The following NBPF26 variants were observed in gnomAD, a reference collection of about 807,000 sequenced individuals.
NBPF26 encodes the protein NBPF member 26, also known as NBPF family member NBPF26.
In NBPF26, 79 loss-of-function variants were observed where a neutral mutation model predicts 119.6. That is an observed-to-expected ratio of 0.66 (90% CI 0.55 to 0.80). NBPF26 has a LOEUF of 0.80. NBPF26 is among the 30% of genes least tolerant of loss of function. The pLI, the probability that NBPF26 is intolerant of heterozygous loss-of-function variation, is 0.00. For missense variants in NBPF26, 800 were observed against 1,198.2 expected (o/e 0.67, Z 4.91); for synonymous variants, 299 against 457.7 (o/e 0.65, Z 4.43).
At chr1:120,790,546 T>TC (rs1651477221) in intron 3 of NBPF26, among the ~76,000 whole-genome samples, 1 of 93,448 alleles carries the variant, frequency 1.1e-5, no homozygotes, top group Non-Finnish European at 1.9e-5. Context: ...CTTTCTTTCT[T>TC]TCTTTCTTTC....
Position 120,818,648 on chromosome 1 carries a change from C to T in NBPF26, c.2423+474C>T, listed in dbSNP as rs1446011699. ...GCTATAATTTTCCCTCTACACATTG[C>T]TTTAAATGTGTCCCAGAGATTCTGG... is the stretch of plus-strand genomic sequence containing the variant. On this transcript the variant is annotated intron_variant, in intron 15 of 29. Coordinates refer to ENST00000620612, the Ensembl canonical transcript of NBPF26. Among the ~76,000 whole-genome samples, 21 of 125,638 alleles carry T rather than the reference C, an allele frequency of 1.7e-4. 5 individuals are homozygous for T. Among genetic ancestry groups the T allele is most frequent in the Non-Finnish European group, 3.1e-4 (19 of 61,450 alleles). The allele number at this position is 125,638 out of a possible 152,430, so 82.4% of individuals were successfully genotyped here.
In NBPF26 at chr1:120,810,187, C is replaced by T. The variant is rs1219337124; in HGVS notation, c.1353-160C>T. Among the ~76,000 whole-genome samples, 2 of 119,558 alleles carry T rather than the reference C, an allele frequency of 1.7e-5. 1 individual carries two copies. Among genetic ancestry groups the T allele is most frequent in the Non-Finnish European group, 3.2e-5 (2 of 61,552 alleles). The allele number at this position is 119,558 out of a possible 152,430, so 78.4% of individuals were successfully genotyped here. On this transcript the variant is annotated intron_variant, in intron 8 of 29. Coordinates refer to ENST00000620612, the Ensembl canonical transcript of NBPF26. ...CTCCCATGGCAGCCATGCTCTGTTG[C>T]AGAGAGAAGCGGATTGCCTGTTTCC... is the stretch of plus-strand genomic sequence containing the variant.
At chr1:120,830,134 T>G (rs1326652098) in intron 19 of NBPF26, among the ~76,000 whole-genome samples, 1 of 121,272 alleles carries the variant, frequency 8.2e-6, no homozygotes, top group Non-Finnish European at 1.6e-5. Flanking sequence ...GGGCACTAAC[T>G]CAGAGTGTCC....
chr1:120,801,249 T>G (rs1278470427), intron 4 of NBPF26, among the ~76,000 whole-genome samples: 4 of 109,874 alleles, frequency 3.6e-5, no homozygotes, highest in Admixed American at 1.8e-4. Flanking sequence ...CATCTATATA[T>G]AGAGAAAGTA....
chr1:120,776,362 C>T (rs1481203144), intron 2 of NBPF26, among the ~76,000 whole-genome samples: 1 of 76,290 alleles, frequency 1.3e-5, no homozygotes, highest in African/African-American at 1.1e-4. Context: ...GACTGAACAG[C>T]GTGTACAGAG....
exon 14 of NBPF26, chr1:120,816,824 C>G: frequency 6.9e-7 from 1 of 1,447,226 alleles, no homozygotes; most frequent in South Asian, 1.2e-5. Context: ...ACACATTATT[C>G]CAGGTAGCCT....
rs1315817988 is a variant in NBPF26, at chr1:120,819,542, C to T, written c.2423+1368C>T. On this transcript the variant is annotated intron_variant, in intron 15 of 29. Coordinates refer to ENST00000620612, the Ensembl canonical transcript of NBPF26. The stretch of plus-strand genomic sequence containing the variant: ...TCGTTATGATGTTAGCTGGTTATTT[C>T]GCCCGTTAGTTGATGCAGTTTCTTC... Among the ~76,000 whole-genome samples the T allele has an allele frequency of 1.4e-4, 14 of 102,668 alleles. 2 individuals are homozygous for T. The highest frequency in any genetic ancestry group is 5.7e-4 in the African/African-American group (9 of 15,822). 67.4% of individuals were successfully genotyped at this position (102,668 alleles called of 152,430 possible).
intron 24 of NBPF26, 57 bp from the exon 31 acceptor site, chr1:120,836,460 G>A: frequency 1.4e-5 from 1 of 70,262 alleles, no homozygotes; most frequent in Non-Finnish European, 2.5e-5. Context: ...ACAGTGGATT[G>A]TTATGTGTGT....
chr1:120,806,423 T>A (rs1359706715), intron 5 of NBPF26, among the ~76,000 whole-genome samples: 7,344 of 107,472 alleles, frequency 0.068, 1,948 homozygotes, highest in African/African-American at 0.26. Flanking sequence ...AGAAACCCCA[T>A]CTCCACTAAA....
intron 2 of NBPF26, among the ~76,000 whole-genome samples, chr1:120,769,321 C>A (rs1651234148): frequency 6.6e-6 from 1 of 151,312 alleles, no homozygotes; most frequent in Non-Finnish European, 1.5e-5. Context: ...TTCCCCTTTT[C>A]CTTCACCTTC....
rs1651176425 is a variant in NBPF26, at chr1:120,765,100, A to G, written c.155+1391A>G. On this transcript the variant is annotated intron_variant, in intron 2 of 29. Transcript: ENST00000620612. ...AGGTTGTTTGGATTGGAATAAAGAT[A>G]ACATTGGAAATAAAGGTTTTATGTA... Among the ~76,000 whole-genome samples the G allele has an allele frequency of 1.8e-5, 2 of 114,246 alleles. 1 individual carries two copies. The highest frequency in any genetic ancestry group is 3.4e-5 in the Non-Finnish European group (2 of 59,012). The allele number at this position is 114,246 out of a possible 152,430, so 74.9% of individuals were successfully genotyped here. A position where few individuals can be genotyped will look rare whatever the true frequency, so the allele number is the denominator to read the frequency against.
intron 1 of NBPF26, among the ~76,000 whole-genome samples, chr1:120,752,519 A>AATATATATATAT (rs1204399606): frequency 2.0e-3 from 29 of 14,640 alleles, no homozygotes; most frequent in East Asian, 8.3e-3. Context: ...GAAGTTCAGG[A>AATATATATATAT]ATATATATAT....
intron 2 of NBPF26, 22 bp from the exon 3 acceptor site, chr1:120,784,952 G>A: frequency 7.5e-7 from 1 of 1,335,940 alleles, no homozygotes; most frequent in South Asian, 1.3e-5. Context: ...TGTTTTCATG[G>A]ACTCTTCTCT....
intron 8 of NBPF26, 133 bp downstream of exon 8, chr1:120,810,016 G>C (rs1401215111): frequency 1.5e-6 from 2 of 1,359,316 alleles, no homozygotes; most frequent in East Asian, 4.6e-5. Flanking sequence ...ATTCAACCCA[G>C]CTTAGACACA....
rs1245519414 is a variant in NBPF26 at position 120,790,261 on chromosome 1, G to A, written c.416-2900G>A. ...GATCGCCTGACCTCATGATCCACCCGCCTCGGCCTCCCAAAGTGCTGGGAT... is the reference window on the plus strand; with the variant it reads ...GATCGCCTGACCTCATGATCCACCCACCTCGGCCTCCCAAAGTGCTGGGAT... On this transcript the variant is annotated intron_variant, in intron 3 of 29. Coordinates refer to ENST00000620612, the Ensembl canonical transcript of NBPF26. Among the ~76,000 whole-genome samples, 7 of 108,068 alleles carry A rather than the reference G, an allele frequency of 6.5e-5. 3 individuals are homozygous for A. The highest frequency in any genetic ancestry group is 1.2e-4 in the African/African-American group (2 of 17,144). The allele number at this position is 108,068 out of a possible 152,430, so 70.9% of individuals were successfully genotyped here.
At chr1:120,820,447 A>AATATATATATATATAT (rs1229895629) in intron 15 of NBPF26, among the ~76,000 whole-genome samples, 1 of 10,836 alleles carries the variant, frequency 9.2e-5, no homozygotes, top group Non-Finnish European at 1.6e-4. Flanking sequence ...AAGTATTAAA[A>AATATATATATATATAT]ATATATATAT....
intron 13 of NBPF26, 112 bp from the exon 14 acceptor site, chr1:120,816,510 G>A: frequency 2.0e-6 from 1 of 510,616 alleles, no homozygotes; most frequent in Admixed American, 3.9e-5. Flanking sequence ...CCTCCATTTT[G>A]CTTTCTGGGA....
rs1466208031 is a variant in NBPF26, at chr1:120,793,573, T to C, written c.751+77T>C. The C allele has an allele frequency of 3.7e-6, 4 of 1,087,768 alleles. No homozygotes were observed. In the South Asian group the frequency reaches 5.6e-5, roughly 15 times the overall value. 67.4% of individuals were successfully genotyped at this position (1,087,768 alleles called of 1,614,324 possible). A position where few individuals can be genotyped will look rare whatever the true frequency, so the allele number is the denominator to read the frequency against. ...AGGTAGTGGGTGTGGCTCAATTGCA[T>C]TTTTTAGGAAGCGCAAGGAAAAAGG... On this transcript the variant is annotated intron_variant, in intron 4 of 29. Coordinates refer to ENST00000620612, the Ensembl canonical transcript of NBPF26.
intron 5 of NBPF26, among the ~76,000 whole-genome samples, chr1:120,806,323 C>T (rs1174261000): frequency 8.7e-6 from 1 of 114,668 alleles, no homozygotes; most frequent in South Asian, 2.7e-4. Flanking sequence ...GGCCGTGCAA[C>T]GTGGCTCACT....
Sources: gnomAD v4.1 joint callset for allele counts (sites outside exome capture counted in the v4.1 genomes callset) on GRCh38, gnomAD v4.1.1 for gene constraint, MANE v1.5 for transcripts, NCBI Gene and HGNC (gene_info 2026-07-23, HGNC 2026-07-21) for gene names.